The following UGT1A8 variants were observed in gnomAD, a reference collection of about 807,000 sequenced individuals.
UGT1A8 encodes the protein UDP glucuronosyltransferase family 1 member A8.
In UGT1A8, 39 loss-of-function variants were observed where a neutral mutation model predicts 45.3. The observed-to-expected ratio is 0.86, with a 90% confidence interval of 0.67 to 1.12. The LOEUF (loss-of-function observed/expected upper bound fraction) is 1.12, where lower values mean the gene tolerates loss of function less well. UGT1A8 is among the 50% of genes most tolerant of loss of function. UGT1A8 has a pLI of 0.00. For synonymous variants in UGT1A8, 275 were observed against 249.2 expected (o/e 1.10, Z -0.97); for missense variants, 719 against 664.9 (o/e 1.08, Z -0.90).
At chr2:233,681,518 G>A (rs2074526390) in intron 1 of UGT1A8, among the ~76,000 whole-genome samples, 1 of 123,672 alleles carries the variant, frequency 8.1e-6, no homozygotes, top group African/African-American at 3.2e-5. Context: ...ATGACACAGT[G>A]AGACTCCATC....
intron 1 of UGT1A8, chr2:233,729,134 C>G (rs143371539): frequency 2.7e-5 from 44 of 1,613,172 alleles, no homozygotes; most frequent in Middle Eastern, 1.8e-4. Flanking sequence ...GAGATGGCCA[C>G]AGGACTCCAG....
intron 1 of UGT1A8, among the ~76,000 whole-genome samples, chr2:233,734,944 A>G (rs2125789898): frequency 6.6e-6 from 1 of 152,282 alleles, no homozygotes; most frequent in Middle Eastern, 3.4e-3. Context: ...TCATATGGTC[A>G]GTTTTAGAAT....
intron 1 of UGT1A8, among the ~76,000 whole-genome samples, chr2:233,670,278 T>C (rs1275010229): frequency 6.6e-6 from 1 of 152,170 alleles, no homozygotes; most frequent in Admixed American, 6.5e-5. Context: ...GTTTTGCTGT[T>C]TCAGGGGTGG....
chr2:233,712,533 T>C (rs1374295452), intron 1 of UGT1A8, among the ~76,000 whole-genome samples: 1 of 152,156 alleles, frequency 6.6e-6, no homozygotes, highest in Non-Finnish European at 1.5e-5. Flanking sequence ...GTGTTACCCA[T>C]ATGTGGGAAG....
intron 1 of UGT1A8, among the ~76,000 whole-genome samples, chr2:233,671,419 T>C (rs2074187596): frequency 6.6e-6 from 1 of 152,152 alleles, no homozygotes; most frequent in African/African-American, 2.4e-5. Flanking sequence ...ATGTATGCAT[T>C]GCAGAGACAC....
intron 1 of UGT1A8, among the ~76,000 whole-genome samples, chr2:233,723,536 TA>T (rs756280025): frequency 2.5e-5 from 3 of 121,442 alleles, no homozygotes; most frequent in African/African-American, 3.3e-5. Flanking sequence ...TTTTTTTTTT[TA>T]ATTTATTTTT....
chr2:233,630,405 A>G (rs12474214), intron 1 of UGT1A8, among the ~76,000 whole-genome samples: 4 of 152,268 alleles, frequency 2.6e-5, no homozygotes, highest in South Asian at 2.1e-4. Context: ...TGCTTAGCTC[A>G]TCCATGAAGG....
At chr2:233,637,196 G>T (rs1273514152) in intron 1 of UGT1A8, 1 of 1,613,802 alleles carries the variant, frequency 6.2e-7, no homozygotes, top group Non-Finnish European at 8.5e-7. Flanking sequence ...TATCTTTTTA[G>T]AAATGCCCTA....
At chr2:233,742,031 C>T (rs1309709104) in intron 1 of UGT1A8, 1 of 151,878 alleles carries the variant, frequency 6.6e-6, no homozygotes, top group African/African-American at 2.4e-5. Context: ...TTTGATATGT[C>T]CCAAGCATAG....
chr2:233,680,884 G>A (rs896022242), intron 1 of UGT1A8, among the ~76,000 whole-genome samples: 1 of 151,970 alleles, frequency 6.6e-6, no homozygotes, highest in Non-Finnish European at 1.5e-5. Flanking sequence ...GCATAGGGAC[G>A]GCGACTCACC....
intron 1 of UGT1A8, chr2:233,761,159 T>C: frequency 6.2e-7 from 1 of 1,614,228 alleles, no homozygotes; most frequent in Non-Finnish European, 8.5e-7. Flanking sequence ...CAGGTGTGTA[T>C]TGGAGTGGGA....
intron 1 of UGT1A8, among the ~76,000 whole-genome samples, chr2:233,620,701 A>T (rs538567106): frequency 2.6e-5 from 4 of 152,338 alleles, no homozygotes; most frequent in Admixed American, 2.6e-4. Context: ...AAGCCAGCAG[A>T]ATTCTCACAG....
At chr2:233,753,617 T>A (rs7608038) in intron 1 of UGT1A8, 1 of 152,200 alleles carries the variant, frequency 6.6e-6, no homozygotes, top group African/African-American at 2.4e-5. Flanking sequence ...AGGTCTTCAT[T>A]TGGGGCATAA....
At chr2:233,630,320 C>T (rs1285772299) in intron 1 of UGT1A8, among the ~76,000 whole-genome samples, 2 of 152,100 alleles carry the variant, frequency 1.3e-5, no homozygotes, top group Admixed American at 1.3e-4. Flanking sequence ...TCTTGTGCTC[C>T]TACAAGGATT....
At chr2:233,708,245 A>G (rs748407725) in intron 1 of UGT1A8, among the ~76,000 whole-genome samples, 7 of 152,232 alleles carry the variant, frequency 4.6e-5, no homozygotes, top group African/African-American at 1.4e-4. Flanking sequence ...GTATAAGTGT[A>G]CACTTTCCTT....
At chr2:233,718,866 C>T in intron 1 of UGT1A8, 1 of 1,613,892 alleles carries the variant, frequency 6.2e-7, no homozygotes, top group Non-Finnish European at 8.5e-7. Context: ...GGCCACAGGA[C>T]TGCTGCTCCT....
At chr2:233,638,432 T>C (rs566991215) in intron 1 of UGT1A8, among the ~76,000 whole-genome samples, 1 of 152,348 alleles carries the variant, frequency 6.6e-6, no homozygotes, top group South Asian at 2.1e-4. Flanking sequence ...ATGTACAATA[T>C]ACAATACCAT....
intron 1 of UGT1A8, chr2:233,719,544 G>C (rs1282092196): frequency 1.2e-6 from 2 of 1,613,824 alleles, no homozygotes; most frequent in Non-Finnish European, 1.7e-6. Context: ...TTTTCAGAGA[G>C]AGGTGTCAGT....
chr2:233,668,497 A>G (rs188292161), intron 1 of UGT1A8, among the ~76,000 whole-genome samples: 2 of 152,338 alleles, frequency 1.3e-5, no homozygotes, highest in East Asian at 3.9e-4. Flanking sequence ...GCTTTTGTGA[A>G]TAGTGCCCCA....
Sources: allele counts gnomAD v4.1 joint callset (sites outside exome capture counted in the v4.1 genomes callset), GRCh38; gene constraint gnomAD v4.1.1; transcripts MANE v1.5; gene names NCBI Gene and HGNC (gene_info 2026-07-23, HGNC 2026-07-21).